Variants in UBR1 observed in about 807,000 individuals in gnomAD.
UBR1 encodes E3 ubiquitin-protein ligase UBR1.
A neutral mutation model predicts 242.1 loss-of-function variants in UBR1; 102 were observed. The ratio of observed to expected loss-of-function variants is 0.42; its 90% CI spans 0.36 to 0.50. The LOEUF (loss-of-function observed/expected upper bound fraction) is 0.50. Ranked by LOEUF, UBR1 falls within the 20% of genes least tolerant of loss-of-function variation. The pLI, the probability that UBR1 is intolerant of heterozygous loss-of-function variation, is 0.01. For synonymous variants in UBR1, 675 were observed against 684.8 expected (o/e 0.99, Z 0.22); for missense variants, 1,772 against 2,101.8 (o/e 0.84, Z 3.07).
chr15:43,043,361 T>C lies in UBR1; in HGVS notation c.1703A>G (p.His568Arg). 6.2e-7 allele frequency: 1 copy of C among 1,613,992 alleles called. No homozygotes were observed. Residue 568 changes from histidine to arginine, a missense_variant, in exon 15 of 47, where the codon CAC becomes CGC. Physicochemically the swap from His to Arg is conservative, Grantham distance 29. Transcript: ENST00000290650. ...GGTACTGCACCTCATCACAGCTTTG[T>C]GACATTCTTTATAAGCCACAAGTAA... Reference protein sequence around the residue: ...ELLLVAYKECHKAVMRCSTSF... With the variant: ...ELLLVAYKECRKAVMRCSTSF...
At chr15:43,025,330 GA>G (rs2033165473) in intron 24 of UBR1, 50 bp downstream of exon 24, 1 of 1,549,734 alleles carries the variant, frequency 6.5e-7, no homozygotes, top group East Asian at 2.3e-5. Context: ...TTGCTGATGT[GA>G]AACCACAGAA....
intron 5 of UBR1, among the ~76,000 whole-genome samples, chr15:43,068,995 A>G (rs1307818985): frequency 6.6e-6 from 1 of 152,248 alleles, no homozygotes; most frequent in African/African-American, 2.4e-5. Context: ...GATTTTATTA[A>G]CAATTAGTTG....
Position 43,059,802 on chromosome 15 carries a change from T to G in UBR1, c.885A>C (p.Gln295His). 6.2e-7 allele frequency: 1 copy of G among 1,614,078 alleles called. No individual in the cohort carries two copies. Among genetic ancestry groups the G allele is most frequent in the Non-Finnish European group, 8.5e-7 (1 of 1,179,974 alleles). The change falls in exon 8 of 47, where the codon CAA becomes CAC. Residue 295 changes from glutamine to histidine, a missense_variant. By Grantham distance (24) the Gln-to-His change is conservative. Around this residue, in one of 3 missense-constraint regions of UBR1, gnomAD observed 734 missense variants for 893.3 expected, o/e 0.82. Coordinates refer to ENST00000290650, the MANE Select transcript of UBR1 (RefSeq NM_174916.3). ...DIKSHSENVS[Q>H]HPLHVEVLHS... ...GTAATACTTCTACATGAAGTGGATG[T>G]TGAGAGACATTTTCTGAATGACTCT... is the stretch of plus-strand genomic sequence containing the variant.
At chr15:42,954,348 T>C (rs930926065) in intron 44 of UBR1, among the ~76,000 whole-genome samples, 2 of 152,154 alleles carry the variant, frequency 1.3e-5, no homozygotes, top group Admixed American at 1.3e-4. Flanking sequence ...GACCCAACCA[T>C]TCCTTTAGAT....
intron 6 of UBR1, among the ~76,000 whole-genome samples, chr15:43,066,342 C>T: frequency 6.6e-6 from 1 of 152,056 alleles, no homozygotes; most frequent in East Asian, 1.9e-4. Flanking sequence ...GCTTTTGTAC[C>T]AGTACCATGC....
chr15:42,964,786 A>G (rs909018499), intron 41 of UBR1, among the ~76,000 whole-genome samples: 1 of 152,098 alleles, frequency 6.6e-6, no homozygotes, highest in Non-Finnish European at 1.5e-5. Flanking sequence ...TCTATTTAGG[A>G]ATATTCTTCC....
chr15:43,031,902 C>T (rs2033262678), intron 20 of UBR1, among the ~76,000 whole-genome samples: 1 of 152,038 alleles, frequency 6.6e-6, no homozygotes, highest in South Asian at 2.1e-4. Context: ...GGCGTGGTGG[C>T]GCACACCTGT....
chr15:43,051,706 C>G (rs536816237), intron 12 of UBR1, among the ~76,000 whole-genome samples: 1 of 152,012 alleles, frequency 6.6e-6, no homozygotes, highest in Non-Finnish European at 1.5e-5. Context: ...AATGAGCAAC[C>G]TCTATAGATG....
chr15:43,086,377 G>T, intron 1 of UBR1, 137 bp from the exon 2 acceptor site: 3 of 951,356 alleles, frequency 3.2e-6, no homozygotes, highest in Non-Finnish European at 2.9e-6. Context: ...CAGAAGGAAA[G>T]TGGGTGATTA....
At chr15:43,091,697 C>T (rs546971292) in intron 1 of UBR1, among the ~76,000 whole-genome samples, 6 of 151,658 alleles carry the variant, frequency 4.0e-5, no homozygotes, top group East Asian at 1.9e-4. Context: ...TATGGGAGGC[C>T]GAGGTGGGTG....
At chr15:43,017,311 G>T (rs1057297892) in intron 27 of UBR1, 130 bp from the exon 28 acceptor site, 3 of 687,302 alleles carry the variant, frequency 4.4e-6, no homozygotes, top group Non-Finnish European at 5.1e-6. Flanking sequence ...TTCAATATAT[G>T]AAGAAAAAAA....
intron 8 of UBR1, 30 bp from the exon 9 acceptor site, chr15:43,059,222 C>T (rs766369015): frequency 3.2e-6 from 5 of 1,581,484 alleles, no homozygotes; most frequent in Non-Finnish European, 2.6e-6. Context: ...CACAGTTACA[C>T]AACTTGTATT....
At chr15:42,994,462 C>T (rs1158470002) in intron 33 of UBR1, among the ~76,000 whole-genome samples, 1 of 147,106 alleles carries the variant, frequency 6.8e-6, no homozygotes, top group Non-Finnish European at 1.5e-5. Flanking sequence ...TTCTGTAGAA[C>T]ATATTACTAA....
chr15:43,049,291 G>A (rs1162065586), intron 12 of UBR1, among the ~76,000 whole-genome samples: 2 of 152,158 alleles, frequency 1.3e-5, no homozygotes, highest in African/African-American at 2.4e-5. Flanking sequence ...AAGAGGTAAT[G>A]TATGGCTCAC....
At chr15:43,014,223 G>A (rs1312744341) in intron 29 of UBR1, among the ~76,000 whole-genome samples, 12 of 152,202 alleles carry the variant, frequency 7.9e-5, no homozygotes, top group Admixed American at 2.0e-4. Flanking sequence ...GCGTGATCTC[G>A]GCTTGCTACA....
At chr15:43,043,155 AAATG>A (rs1273937329) in intron 15 of UBR1, 56 bp downstream of exon 15, 1 of 1,578,642 alleles carries the variant, frequency 6.3e-7, no homozygotes, top group East Asian at 2.2e-5. Context: ...TGATTCTACT[AAATG>A]AATACCTAGA....
At chr15:43,011,749 T>G (rs779606338) in intron 29 of UBR1, among the ~76,000 whole-genome samples, 10 of 152,292 alleles carry the variant, frequency 6.6e-5, no homozygotes, top group Middle Eastern at 3.4e-3. Context: ...ACCCAGCCCT[T>G]TCACTTACTG....
chr15:43,026,716 A>G (rs902102860), intron 22 of UBR1, 53 bp from the exon 23 acceptor site: 1 of 1,460,530 alleles, frequency 6.8e-7, no homozygotes, highest in South Asian at 1.2e-5. Flanking sequence ...AGTATAAAAT[A>G]TAGACAAAAT....
rs140618861 is a variant in UBR1, at chr15:42,952,194, C to A, written c.5006+84G>T. ...CTTCTGATTGATTATTTGCTATCAACACACTGTCCCACCATAGTGACCCCC... is the reference window on the plus strand; with the variant it reads ...CTTCTGATTGATTATTTGCTATCAAAACACTGTCCCACCATAGTGACCCCC... On this transcript the variant is annotated intron_variant, in intron 45 of 46. Transcript: ENST00000290650. 1.3e-4 allele frequency: 194 copies of A among 1,534,500 alleles called. 1 individual carries two copies. In the East Asian group the frequency reaches 4.1e-3, roughly 33 times the overall value.
Sources: gnomAD v4.1 joint callset for allele counts (sites outside exome capture counted in the v4.1 genomes callset) on GRCh38, gnomAD v4.1.1 for gene constraint, gnomAD v4.1.1 regional missense constraint, MANE v1.5 for transcripts, NCBI Gene and HGNC (gene_info 2026-07-23, HGNC 2026-07-21) for gene names.